Variants in P2RX5 observed in about 807,000 individuals in gnomAD.
P2RX5 encodes P2X purinoceptor 5.
A neutral mutation model predicts 54.1 loss-of-function variants in P2RX5; 46 were observed. That is an observed-to-expected ratio of 0.85 (90% CI 0.67 to 1.09). The LOEUF (loss-of-function observed/expected upper bound fraction) is 1.09. P2RX5 is among the 50% of genes least tolerant of loss of function. P2RX5 has a pLI of 0.00. For missense variants in P2RX5, 566 were observed against 549.8 expected (o/e 1.03, Z -0.29); for synonymous variants, 226 against 226.4 (o/e 1.00, Z 0.02).
the P2RX5 span, among the ~76,000 whole-genome samples, chr17:3,722,999 G>T: frequency 6.6e-6 from 1 of 152,218 alleles, no homozygotes; most frequent in Admixed American, 6.5e-5. Flanking sequence ...AAGTGAATGG[G>T]TTTAGGATAT....
Position 3,673,535 on chromosome 17 carries a change from G to GTCCT in P2RX5, c.*329_*332dup. ...TCTAGGAACTCTACAGGGCACTGCG[G>GTCCT]TCCTTAGCTGAGGTGCTCAAGGACT... On this transcript the variant is annotated 3_prime_UTR_variant, in exon 12 of 12. Coordinates refer to ENST00000225328, the MANE Select transcript of P2RX5 (RefSeq NM_002561.4). 7.7e-7 allele frequency: 1 copy of GTCCT among 1,301,544 alleles called. No individual in the cohort carries two copies. Among genetic ancestry groups the GTCCT allele is most frequent in the Non-Finnish European group, 9.8e-7 (1 of 1,016,188 alleles). 80.6% of individuals were successfully genotyped at this position (1,301,544 alleles called of 1,614,324 possible). A position where few individuals can be genotyped will look rare whatever the true frequency, so the allele number is the denominator to read the frequency against.
intron 11 of P2RX5, chr17:3,676,466 G>A (rs2050107567): frequency 2.6e-5 from 26 of 983,754 alleles, no homozygotes; most frequent in Non-Finnish European, 3.1e-5. Context: ...TCTAAACTTT[G>A]AATCATGTAA....
At chr17:3,701,706 A>AAAAAAT in the P2RX5 span, among the ~76,000 whole-genome samples, 27,673 of 139,506 alleles carry the variant, frequency 0.2, 4,029 homozygotes, top group South Asian at 0.48. Context: ...GAAAAAAAAA[A>AAAAAAT]AAAAAAAAAA....
At chr17:3,719,743 T>A in the P2RX5 span, among the ~76,000 whole-genome samples, 1 of 152,218 alleles carries the variant, frequency 6.6e-6, no homozygotes, top group South Asian at 2.1e-4. Context: ...TTATTTATTT[T>A]TTGAGACTGA....
rs2050582552 is a variant in P2RX5, at chr17:3,690,526, G to A, written c.437-3C>T. 3 of 1,613,370 alleles carry A rather than the reference G, an allele frequency of 1.9e-6. No individual in the cohort carries two copies. The highest frequency in any genetic ancestry group is 2.5e-6 in the Non-Finnish European group (3 of 1,179,736). On this transcript the variant is annotated splice_polypyrimidine_tract_variant and splice_region_variant and intron_variant, in intron 4 of 11. Coordinates refer to ENST00000225328, the MANE Select transcript of P2RX5 (RefSeq NM_002561.4). ...CAGGCAGCGGCCGGTCTTCACTCCT[G>A]CAGGGGTGGGACAGGATCAATGCCA...
intron 8 of P2RX5, 23 bp from the exon 9 acceptor site, chr17:3,688,128 G>C: frequency 1.4e-6 from 2 of 1,403,818 alleles, no homozygotes; most frequent in Non-Finnish European, 2.0e-6. Flanking sequence ...GGGCCCAGGG[G>C]AGGCCTCAGC....
rs202089860 is a variant in P2RX5 at position 3,688,707 on chromosome 17, G to A, written c.806C>T (p.Ala269Val). ...AGAATAGTGAGGGTGGCACTCAGAGGCAGCTTTATCAAGATCACAGTTCCA... is the reference window on the plus strand; with the variant it reads ...AGAATAGTGAGGGTGGCACTCAGAGACAGCTTTATCAAGATCACAGTTCCA... ...IEWNCDLDKA[A>V]SECHPHYSFS... The change falls in exon 8 of 12, where the codon GCC (alanine) becomes GTC (valine). Residue 269 changes from alanine to valine, a missense_variant. By Grantham distance (64) the Ala-to-Val change is moderately conservative. Coordinates refer to ENST00000225328, the MANE Select transcript of P2RX5 (RefSeq NM_002561.4). 229 of 1,613,380 alleles carry A rather than the reference G, an allele frequency of 1.4e-4. No individual in the cohort carries two copies. The highest frequency in any genetic ancestry group is 1.4e-4 in the Non-Finnish European group (162 of 1,179,452).
At chr17:3,689,159 G>C (rs961425570) in intron 7 of P2RX5, among the ~76,000 whole-genome samples, 2 of 148,340 alleles carry the variant, frequency 1.3e-5, no homozygotes, top group African/African-American at 5.1e-5. Flanking sequence ...GCCTGCCTGT[G>C]TGCCACAGCC....
the P2RX5 span, among the ~76,000 whole-genome samples, chr17:3,721,255 T>A: frequency 2.8e-5 from 4 of 143,212 alleles, no homozygotes; most frequent in African/African-American, 1.1e-4. Flanking sequence ...CGTAAGAGAT[T>A]TTTCCTTTTT....
intron 11 of P2RX5, chr17:3,677,507 G>A (rs965560318): frequency 1.0e-6 from 1 of 985,266 alleles, no homozygotes; most frequent in African/African-American, 1.7e-5. Flanking sequence ...TTATCCTTGG[G>A]GCAAGCCCAA....
chr17:3,673,410 G>A lies in P2RX5; in HGVS notation c.*458C>T. ...AGAGAGTACTTGGATCCACTGGAGAGTATGCTCTGAGGGAAGCTGCGGCAC... is the reference window on the plus strand; with the variant it reads ...AGAGAGTACTTGGATCCACTGGAGAATATGCTCTGAGGGAAGCTGCGGCAC... On this transcript the variant is annotated 3_prime_UTR_variant, in exon 12 of 12. Transcript: ENST00000225328. 1 of 1,067,764 alleles carries A rather than the reference G, an allele frequency of 9.4e-7. No homozygotes were observed. Among genetic ancestry groups the A allele is most frequent in the Non-Finnish European group, 1.1e-6 (1 of 879,030 alleles). The allele number at this position is 1,067,764 out of a possible 1,614,324, so 66.1% of individuals were successfully genotyped here.
the P2RX5 span, chr17:3,716,958 A>T: frequency 2.9e-5 from 17 of 577,790 alleles, no homozygotes; most frequent in Non-Finnish European, 5.2e-5. Flanking sequence ...TCCCTGATGC[A>T]GCATTTTAGA....
intron 6 of P2RX5, 127 bp downstream of exon 6, chr17:3,689,943 C>A: frequency 2.2e-6 from 2 of 924,372 alleles, no homozygotes; most frequent in Non-Finnish European, 3.6e-6. Flanking sequence ...CGCACACACG[C>A]GAACACACGC....
At chr17:3,678,570 C>G (rs1321603786) in intron 11 of P2RX5, among the ~76,000 whole-genome samples, 2 of 152,220 alleles carry the variant, frequency 1.3e-5, no homozygotes, top group African/African-American at 4.8e-5. Flanking sequence ...CCTCCTTGCC[C>G]CACTGCTGCA....
the P2RX5 span, among the ~76,000 whole-genome samples, chr17:3,701,696 G>GAAAAAAAAAAAAAAAAA: frequency 2.7e-5 from 2 of 73,412 alleles, no homozygotes; most frequent in African/African-American, 1.2e-4. Flanking sequence ...CTCTGTCTCA[G>GAAAAAAAAAAAAAAAAA]AAAAAAAAAA....
chr17:3,689,090 C>A (rs148998827), intron 7 of P2RX5, among the ~76,000 whole-genome samples: 306 of 152,386 alleles, frequency 2.0e-3, no homozygotes, highest in African/African-American at 7.0e-3. Context: ...GACTCAGAAC[C>A]GCACAGCAGG....
intron 5 of P2RX5, 109 bp from the exon 6 acceptor site, chr17:3,690,259 C>T: frequency 8.1e-7 from 1 of 1,235,260 alleles, no homozygotes; most frequent in Non-Finnish European, 1.2e-6. Flanking sequence ...AGCCTCTGCC[C>T]AGGACAGTTA....
chr17:3,685,647 A>C (rs1410219621), intron 9 of P2RX5: 1 of 44,824 alleles, frequency 2.2e-5, no homozygotes, highest in South Asian at 1.4e-3. Flanking sequence ...GGACCCTCCC[A>C]GCGTCCCCCT....
intron 9 of P2RX5, chr17:3,682,242 A>G (rs899032833): frequency 1.2e-5 from 6 of 493,610 alleles, no homozygotes; most frequent in South Asian, 2.0e-5. Context: ...ACCCCATCCA[A>G]TCGTTCCTTC....
Sources: gnomAD v4.1 joint callset for allele counts (sites outside exome capture counted in the v4.1 genomes callset) on GRCh38, gnomAD v4.1.1 for gene constraint, MANE v1.5 for transcripts, NCBI Gene and HGNC (gene_info 2026-07-23, HGNC 2026-07-21) for gene names.